ZNF714: variants seen among roughly 807,000 people sequenced by gnomAD.
ZNF714 encodes the protein zinc finger protein 714.
In ZNF714, 32 loss-of-function variants were observed where a neutral mutation model predicts 46.2. The observed-to-expected ratio is 0.69, with a 90% CI of 0.52 to 0.93. ZNF714 has a LOEUF of 0.93. Ranked by LOEUF, ZNF714 falls within the 40% of genes least tolerant of loss-of-function variation. ZNF714 has a pLI of 0.00. For synonymous variants in ZNF714, 199 were observed against 213.1 expected, an observed-to-expected ratio of 0.93 and a Z score of 0.58; for missense variants, 635 against 646.3, an observed-to-expected ratio of 0.98 and a Z score of 0.19.
At position 21,119,721 on chromosome 19, in the gene ZNF714, G is replaced by T. The variant is rs1475636978; in HGVS notation, c.*1389G>T. The T allele has an allele frequency of 6.6e-6, 1 of 152,198 alleles. No homozygotes were observed. The highest frequency in any genetic ancestry group is 2.1e-4 in the South Asian group (1 of 4,832). 9.4% of individuals were successfully genotyped at this position (152,198 alleles called of 1,614,324 possible). A position where few individuals can be genotyped will look rare whatever the true frequency, so the allele number is the denominator to read the frequency against. On this transcript the variant is annotated 3_prime_UTR_variant, in exon 5 of 5. Transcript: ENST00000456283. ...AAATTTAATCCATAAGTAAGTCTGTGTAAATATCAGAATTTATGGTAGAAA... is the reference window on the plus strand; with the variant it reads ...AAATTTAATCCATAAGTAAGTCTGTTTAAATATCAGAATTTATGGTAGAAA...
In ZNF714 at chr19:21,117,908, A is replaced by G. The variant is rs780859538; in HGVS notation, c.1244A>G (p.His415Arg). 3.1e-6 allele frequency: 5 copies of G among 1,613,134 alleles called. No homozygotes were observed. The South Asian group carries it at 4.4e-5, about 14-fold the overall frequency. The change falls in exon 5 of 5, where the codon CAT (histidine) becomes CGT (arginine). Residue 415 changes from histidine to arginine, a missense_variant. Coordinates refer to ENST00000456283, the MANE Select transcript of ZNF714 (RefSeq NM_182515.4). ...AFNQSSNLTK[H>R]KIIHTGEKLY... ...AACCAATCCTCAAACCTTACCAAACATAAGATAATTCATACTGGAGAGAAA... is the reference window on the plus strand; with the variant it reads ...AACCAATCCTCAAACCTTACCAAACGTAAGATAATTCATACTGGAGAGAAA...
At chr19:21,106,683 G>A (rs960728884) in intron 4 of ZNF714, among the ~76,000 whole-genome samples, 10 of 151,844 alleles carry the variant, frequency 6.6e-5, no homozygotes, top group Non-Finnish European at 1.3e-4. Flanking sequence ...TCTCTTCTCT[G>A]TTGTGTGCTC....
chr19:21,114,516 CTTTAA>C (rs1174169388), intron 4 of ZNF714, among the ~76,000 whole-genome samples: 2 of 150,744 alleles, frequency 1.3e-5, no homozygotes, highest in African/African-American at 4.9e-5. Context: ...TTCCTCCATT[CTTTAA>C]TTTGAGCCTA....
At chr19:21,095,564 G>A (rs531300813) in intron 2 of ZNF714, among the ~76,000 whole-genome samples, 6 of 151,952 alleles carry the variant, frequency 3.9e-5, no homozygotes, top group South Asian at 2.1e-4. Context: ...CCGGGTTCAC[G>A]CCATTCTCCT....
At position 21,118,001 on chromosome 19, in the gene ZNF714, T is replaced by G. The variant is rs764555003; in HGVS notation, c.1337T>G (p.Ile446Ser). ...TCAAACCTTACTACACATAAGAGAA[T>G]TCACACTGGAGAGAAACCCTACAAA... ...RSSNLTTHKR[I>S]HTGEKPYKCE... is the part of the protein sequence containing the mutation. The change falls in exon 5 of 5, where the codon ATT becomes AGT. Residue 446 changes from isoleucine (I) to serine (S), a missense_variant. Coordinates refer to ENST00000456283, the MANE Select transcript of ZNF714 (RefSeq NM_182515.4). 5 of 1,613,592 alleles carry G rather than the reference T, an allele frequency of 3.1e-6. No homozygotes were observed. The highest frequency in any genetic ancestry group is 4.2e-6 in the Non-Finnish European group (5 of 1,179,990).
rs953015122 is a variant in ZNF714, at chr19:21,120,555, A to G, written c.*2223A>G. 7 of 152,086 alleles carry G rather than the reference A, an allele frequency of 4.6e-5. No homozygotes were observed. The highest frequency in any genetic ancestry group is 1.0e-4 in the Non-Finnish European group (7 of 68,002). The allele number at this position is 152,086 out of a possible 1,614,324, so 9.4% of individuals were successfully genotyped here. A position where few individuals can be genotyped will look rare whatever the true frequency, so the allele number is the denominator to read the frequency against. On this transcript the variant is annotated 3_prime_UTR_variant, in exon 5 of 5. Transcript: ENST00000456283. ...ATTTAAAATTTAGTTTATCATACTAATTGTACTTTTATATAAGATGCAGTA... is the reference window on the plus strand; with the variant it reads ...ATTTAAAATTTAGTTTATCATACTAGTTGTACTTTTATATAAGATGCAGTA...
intron 2 of ZNF714, 116 bp from the exon 3 acceptor site, chr19:21,098,069 A>ATTC (rs1969085360): frequency 1.4e-6 from 2 of 1,408,124 alleles, no homozygotes; most frequent in East Asian, 4.9e-5. Flanking sequence ...AATTTCAGTT[A>ATTC]TTCTTATAAG....
At chr19:21,105,133 T>TCCTGCCTCAG (rs980561707) in intron 4 of ZNF714, among the ~76,000 whole-genome samples, 4 of 151,266 alleles carry the variant, frequency 2.6e-5, no homozygotes, top group Admixed American at 6.6e-5. Flanking sequence ...TAAGTGATTC[T>TCCTGCCTCAG]CCTGCCTCAG....
Position 21,117,626 on chromosome 19 carries a change from G to T in ZNF714, c.962G>T (p.Gly321Val), listed in dbSNP as rs373632532. The T allele has an allele frequency of 7.5e-6, 12 of 1,609,432 alleles. No homozygotes were observed. In the African/African-American group the frequency reaches 1.5e-4, roughly 20 times the overall value. Residue 321 changes from glycine (G) to valine (V), a missense_variant, in exon 5 of 5, where the codon GGC becomes GTC. By Grantham distance (109) the Gly-to-Val change is moderately radical (BLOSUM62 -3). Coordinates refer to ENST00000456283, the MANE Select transcript of ZNF714 (RefSeq NM_182515.4). ...KSYKCEQCGKGFNWSSTLTKH... is the reference protein window; with the variant it reads ...KSYKCEQCGKVFNWSSTLTKH... Reference sequence around the variant, plus strand: ...TACAAATGTGAACAATGTGGCAAAGGCTTTAACTGGTCTTCAACCCTTACA... The same window carrying T: ...TACAAATGTGAACAATGTGGCAAAGTCTTTAACTGGTCTTCAACCCTTACA...
At chr19:21,102,063 G>A (rs890039129) in intron 4 of ZNF714, among the ~76,000 whole-genome samples, 6 of 152,140 alleles carry the variant, frequency 3.9e-5, no homozygotes, top group African/African-American at 1.2e-4. Flanking sequence ...CCATGTAGCA[G>A]TCATTACAGA....
chr19:21,105,830 C>T (rs932222103), intron 4 of ZNF714, among the ~76,000 whole-genome samples: 5 of 151,994 alleles, frequency 3.3e-5, no homozygotes, highest in African/African-American at 4.8e-5. Flanking sequence ...TAGTGCATGC[C>T]TGTAGTCCCA....
chr19:21,086,669 T>C (rs1023761473), intron 2 of ZNF714, among the ~76,000 whole-genome samples: 2 of 152,196 alleles, frequency 1.3e-5, no homozygotes, highest in Admixed American at 6.5e-5. Flanking sequence ...TTTGCTGACC[T>C]TCTATCCTGT....
At position 21,121,653 on chromosome 19, in the gene ZNF714, CAA is replaced by C. The variant is rs1470700617; in HGVS notation, c.*3322_*3323del. 1.3e-5 allele frequency: 2 copies of C among 151,962 alleles called. No individual in the cohort carries two copies. Among genetic ancestry groups the C allele is most frequent in the African/African-American group, 4.8e-5 (2 of 41,386 alleles). 9.4% of individuals were successfully genotyped at this position (151,962 alleles called of 1,614,324 possible). A position where few individuals can be genotyped will look rare whatever the true frequency, so the allele number is the denominator to read the frequency against. ...GTTTGTACCTATTTTCAGAAAAGAA[CAA>C]TATGGGAATAAAAATCATTTTAATA... is the stretch of plus-strand genomic sequence containing the variant. On this transcript the variant is annotated 3_prime_UTR_variant, in exon 5 of 5. Transcript: ENST00000456283.
At position 21,112,259 on chromosome 19, in the gene ZNF714, C is replaced by T. The variant is rs118028644; in HGVS notation, c.143-4548C>T. ...GGCTATTGGCTATTTGTTACCGCCT[C>T]AGTGTCAGAACTTGTTATAGGTCTA... On this transcript the variant is annotated intron_variant, in intron 4 of 4. Transcript: ENST00000456283. Among the ~76,000 whole-genome samples the T allele has an allele frequency of 1.4e-4, 22 of 152,286 alleles. No homozygotes were observed. In the East Asian group the frequency reaches 2.9e-3, roughly 20 times the overall value.
rs1969644232 is a variant in ZNF714, at chr19:21,118,092, T to C, written c.1428T>C (p.Thr476=). Residue 476 remains threonine, a synonymous_variant, in exon 5 of 5, where the codon ACT becomes ACC. Coordinates refer to ENST00000456283, the MANE Select transcript of ZNF714 (RefSeq NM_182515.4). ...TTACTAAACATAACATAATTCATAC[T>C]GGAGAGAAATCTTACAAATGTGAAG... ...SNLTKHNIIH[T]GEKSYKCEEC... is the part of the protein sequence containing the mutation. 6.2e-7 allele frequency: 1 copy of C among 1,613,920 alleles called. No homozygotes were observed. The highest frequency in any genetic ancestry group is 1.7e-5 in the Admixed American group (1 of 60,000).
chr19:21,118,153 A>G lies in ZNF714; in HGVS notation c.1489A>G (p.Thr497Ala). Residue 497 changes from threonine (T) to alanine (A), a missense_variant, in exon 5 of 5, where the codon ACT (threonine) becomes GCT (alanine). By Grantham distance (58) the Thr-to-Ala change is moderately conservative (BLOSUM62 0). Coordinates refer to ENST00000456283, the MANE Select transcript of ZNF714 (RefSeq NM_182515.4). Reference protein sequence around the residue: ...GKAFNQSSTLTKHRKIQQGMV... With the variant: ...GKAFNQSSTLAKHRKIQQGMV... ...AGCCTTTAACCAATCCTCAACTCTT[A>G]CTAAACATAGGAAAATTCAGCAGGG... 6.2e-7 allele frequency: 1 copy of G among 1,613,692 alleles called. No individual in the cohort carries two copies. The highest frequency in any genetic ancestry group is 8.5e-7 in the Non-Finnish European group (1 of 1,179,720).
intron 4 of ZNF714, among the ~76,000 whole-genome samples, chr19:21,112,863 C>G (rs1231284364): frequency 3.0e-5 from 3 of 100,150 alleles, no homozygotes; most frequent in Non-Finnish European, 5.8e-5. Context: ...CGCTCTGTCG[C>G]CCAGGCTGGA....
chr19:21,095,212 G>A (rs1479031937), intron 2 of ZNF714, among the ~76,000 whole-genome samples: 3 of 152,262 alleles, frequency 2.0e-5, no homozygotes, highest in Middle Eastern at 3.4e-3. Flanking sequence ...CTTGCATAAT[G>A]TCCTCTGGAA....
rs1327610413 is a variant in ZNF714 at position 21,120,031 on chromosome 19, ATTCT to A, written c.*1706_*1709del. The A allele has an allele frequency of 2.0e-5, 3 of 152,080 alleles. No individual in the cohort carries two copies. The highest frequency in any genetic ancestry group is 7.2e-5 in the African/African-American group (3 of 41,400). 9.4% of individuals were successfully genotyped at this position (152,080 alleles called of 1,614,324 possible). A position where few individuals can be genotyped will look rare whatever the true frequency, so the allele number is the denominator to read the frequency against. The stretch of plus-strand genomic sequence containing the variant: ...TATTGCTGTATCAAAGATATGAAAG[ATTCT>A]TTCTTTGTTTTGTTCTGTTTTTTTG... On this transcript the variant is annotated 3_prime_UTR_variant, in exon 5 of 5. Coordinates refer to ENST00000456283, the MANE Select transcript of ZNF714 (RefSeq NM_182515.4).
Sources: gnomAD v4.1 joint callset for allele counts (sites outside exome capture counted in the v4.1 genomes callset) on GRCh38, gnomAD v4.1.1 for gene constraint, MANE v1.5 for transcripts, NCBI Gene and HGNC (gene_info 2026-07-23, HGNC 2026-07-21) for gene names.